The following KCNN2 variants were observed in gnomAD, a reference collection of about 807,000 sequenced individuals.
KCNN2 encodes the protein potassium calcium-activated channel subfamily N member 2, also known as small conductance calcium-activated potassium channel protein 2.
Under a neutral mutation model 55.5 loss-of-function variants are expected in KCNN2, and 24 were observed. That is an observed-to-expected ratio of 0.43 (90% CI 0.31 to 0.61). The LOEUF (loss-of-function observed/expected upper bound fraction) is 0.61, where lower values mean the gene tolerates loss of function less well. Among genes scored for constraint, KCNN2 ranks in the 20% least tolerant of loss-of-function variants. The pLI is 0.08. For synonymous variants in KCNN2, 431 were observed against 336.1 expected, an observed-to-expected ratio of 1.28 and a Z score of -3.09; for missense variants, 754 against 853.6, an observed-to-expected ratio of 0.88 and a Z score of 1.45.
intron 1 of KCNN2, among the ~76,000 whole-genome samples, chr5:114,148,555 A>C (rs1011815312): frequency 6.6e-6 from 1 of 152,162 alleles, no homozygotes; most frequent in African/African-American, 2.4e-5. Context: ...TGGGGGAGAC[A>C]GGATTCTAAG....
At chr5:114,475,993 T>C (rs1761946902) in intron 5 of KCNN2, among the ~76,000 whole-genome samples, 1 of 152,222 alleles carries the variant, frequency 6.6e-6, no homozygotes, top group African/African-American at 2.4e-5. Context: ...TTACATTTTA[T>C]ATAATACTTA....
At chr5:114,298,900 A>T (rs904163419) in intron 2 of KCNN2, among the ~76,000 whole-genome samples, 4 of 152,278 alleles carry the variant, frequency 2.6e-5, no homozygotes, top group East Asian at 3.9e-4. Context: ...GGCTGGTAAG[A>T]TACAGCCAAG....
intron 1 of KCNN2, among the ~76,000 whole-genome samples, chr5:114,163,222 C>T (rs1014069081): frequency 2.0e-5 from 3 of 152,088 alleles, no homozygotes; most frequent in African/African-American, 7.2e-5. Context: ...GATGTAGGAT[C>T]ATGTCGTCTG....
intron 2 of KCNN2, among the ~76,000 whole-genome samples, chr5:114,404,095 A>G (rs898594464): frequency 3.3e-5 from 5 of 152,212 alleles, no homozygotes; most frequent in Admixed American, 2.0e-4. Context: ...AGAGGAAAAC[A>G]ACTTGTTATA....
chr5:114,071,879 A>G (rs569196625), intron 1 of KCNN2, among the ~76,000 whole-genome samples: 1 of 152,350 alleles, frequency 6.6e-6, no homozygotes, highest in Admixed American at 6.5e-5. Context: ...CCAATGCAAC[A>G]GTGTTGGGAG....
chr5:114,442,312 T>G (rs1430559405), intron 3 of KCNN2, among the ~76,000 whole-genome samples: 2 of 151,690 alleles, frequency 1.3e-5, no homozygotes, highest in Non-Finnish European at 2.9e-5. Flanking sequence ...TATTTGTAAA[T>G]ATAAGAAAAG....
chr5:114,076,752 G>T (rs1168926521), intron 1 of KCNN2, among the ~76,000 whole-genome samples: 1 of 152,176 alleles, frequency 6.6e-6, no homozygotes, highest in African/African-American at 2.4e-5. Flanking sequence ...GGAGTGCAGT[G>T]GTGCGATCTC....
At chr5:114,074,073 A>G (rs545208799) in intron 1 of KCNN2, among the ~76,000 whole-genome samples, 7 of 152,150 alleles carry the variant, frequency 4.6e-5, no homozygotes, top group African/African-American at 1.4e-4. Flanking sequence ...CCCTGGTTTT[A>G]TTCTCTCTTC....
chr5:114,060,199 C>T (rs1307347401), intron 1 of KCNN2, among the ~76,000 whole-genome samples: 3 of 152,208 alleles, frequency 2.0e-5, no homozygotes, highest in Non-Finnish European at 4.4e-5. Flanking sequence ...TCTGCAATGC[C>T]CTCTTGGTAC....
In KCNN2 at chr5:114,413,011, C is replaced by T. The variant is rs528787612; in HGVS notation, c.1637+8155C>T. On this transcript the variant is annotated intron_variant, in intron 3 of 7. Coordinates refer to ENST00000673685, the MANE Select transcript of KCNN2 (RefSeq NM_021614.4). ...GTAATACTTTGTAAACTTGTACTTC[C>T]AAGTTGGTCTGATTCATACATACAG... 8.5e-4 allele frequency among the ~76,000 whole-genome samples: 130 copies of T among 152,236 alleles called. 2 individuals carry two copies. The highest frequency in any genetic ancestry group is 2.9e-3 in the African/African-American group (122 of 41,538).
At chr5:114,140,072 T>C (rs1752246620) in intron 1 of KCNN2, among the ~76,000 whole-genome samples, 1 of 152,142 alleles carries the variant, frequency 6.6e-6, no homozygotes, top group Non-Finnish European at 1.5e-5. Context: ...TATAAATATG[T>C]AAGTTTTTTT....
At chr5:114,260,407 T>C (rs1394447242) in intron 2 of KCNN2, among the ~76,000 whole-genome samples, 1 of 152,236 alleles carries the variant, frequency 6.6e-6, no homozygotes, top group Admixed American at 6.5e-5. Context: ...TGGGATAGTT[T>C]TCCTCTAGAC....
In KCNN2 at chr5:114,199,046, A is replaced by T. The variant is rs374613492; in HGVS notation, c.-270-22434A>T. 2.6e-5 allele frequency among the ~76,000 whole-genome samples: 4 copies of T among 152,040 alleles called. No homozygotes were observed. The East Asian group carries it at 7.7e-4, about 29-fold the overall frequency. On this transcript the variant is annotated intron_variant, in intron 1 of 10. Transcript: ENST00000512097. ...TGGGGTATTAAAGTCCCCTATTATT[A>T]TTGTATTGCTGTCTATTTCTTTAGG...
chr5:114,100,223 T>A (rs1251066270), intron 1 of KCNN2, among the ~76,000 whole-genome samples: 1 of 152,002 alleles, frequency 6.6e-6, no homozygotes, highest in Non-Finnish European at 1.5e-5. Context: ...CAAGATTAAA[T>A]GACCCAAAAT....
chr5:114,291,480 G>C (rs765803084), intron 2 of KCNN2, among the ~76,000 whole-genome samples: 22 of 152,042 alleles, frequency 1.4e-4, no homozygotes, highest in Non-Finnish European at 2.5e-4. Flanking sequence ...GAGAATGATG[G>C]TTTCCAATTT....
intron 3 of KCNN2, among the ~76,000 whole-genome samples, chr5:114,438,804 C>T (rs750198808): frequency 3.9e-5 from 6 of 152,184 alleles, no homozygotes; most frequent in Non-Finnish European, 2.9e-5. Flanking sequence ...TGTCTGAAAA[C>T]TCCCGTTGCT....
At chr5:114,198,026 C>T (rs74326252) in intron 1 of KCNN2, among the ~76,000 whole-genome samples, 16,672 of 151,852 alleles carry the variant, frequency 0.11, 1,168 homozygotes, top group South Asian at 0.23. Flanking sequence ...GAGGCTGTGC[C>T]GAGCTCCTTA....
intron 2 of KCNN2, among the ~76,000 whole-genome samples, chr5:114,308,933 G>A (rs557879458): frequency 5.3e-5 from 8 of 152,182 alleles, no homozygotes; most frequent in East Asian, 1.9e-4. Context: ...ACTTATTTTC[G>A]TGTTCTAACA....
intron 2 of KCNN2, among the ~76,000 whole-genome samples, chr5:114,370,880 A>G (rs1757744341): frequency 6.6e-6 from 1 of 152,182 alleles, no homozygotes; most frequent in South Asian, 2.1e-4. Context: ...GGCAAGGCTC[A>G]TGATCCAGCT....
Sources: allele counts gnomAD v4.1 joint callset (sites outside exome capture counted in the v4.1 genomes callset), GRCh38; gene constraint gnomAD v4.1.1; transcripts MANE v1.5; gene names NCBI Gene and HGNC (gene_info 2026-07-23, HGNC 2026-07-21).